Variants in DPP6 observed in about 807,000 individuals in gnomAD.
DPP6 encodes the protein dipeptidyl peptidase like 6, also known as A-type potassium channel modulatory protein DPP6.
In DPP6, 69 loss-of-function variants were observed where a neutral mutation model predicts 122.6. The ratio of observed to expected loss-of-function variants is 0.56; its 90% CI spans 0.46 to 0.69. The LOEUF (loss-of-function observed/expected upper bound fraction) is 0.69. Among genes scored for constraint, DPP6 ranks in the 30% least tolerant of loss-of-function variants. DPP6 has a pLI of 0.00. For missense variants in DPP6, 928 were observed against 1,116.9 expected, an observed-to-expected ratio of 0.83 and a Z score of 2.41; for synonymous variants, 418 against 433.1, an observed-to-expected ratio of 0.97 and a Z score of 0.43.
chr7:154,830,978 C>A (rs1481179325), intron 16 of DPP6, among the ~76,000 whole-genome samples: 1 of 152,172 alleles, frequency 6.6e-6, no homozygotes, highest in Non-Finnish European at 1.5e-5. Flanking sequence ...TAGTTGTGAA[C>A]CTTCTCCAGG....
intron 1 of DPP6, among the ~76,000 whole-genome samples, chr7:153,949,981 A>G (rs1176199063): frequency 2.0e-5 from 3 of 152,160 alleles, no homozygotes; most frequent in Non-Finnish European, 4.4e-5. Flanking sequence ...ACACATCTCT[A>G]ATGTTTTCCT....
intron 1 of DPP6, among the ~76,000 whole-genome samples, chr7:154,285,192 CTAGTT>C (rs1804770842): frequency 6.6e-6 from 1 of 152,134 alleles, no homozygotes; most frequent in Non-Finnish European, 1.5e-5. Flanking sequence ...CTGCTTTTAA[CTAGTT>C]TATTTTAATT....
intron 1 of DPP6, among the ~76,000 whole-genome samples, chr7:154,012,790 T>C (rs1327157912): frequency 6.6e-6 from 1 of 152,238 alleles, no homozygotes; most frequent in Non-Finnish European, 1.5e-5. Flanking sequence ...AGTTTGCTTA[T>C]CTTTTATGTG....
chr7:153,891,184 G>A (rs1301266669), intron 1 of DPP6, among the ~76,000 whole-genome samples: 1 of 150,894 alleles, frequency 6.6e-6, no homozygotes, highest in Non-Finnish European at 1.5e-5. Context: ...ACCATGCCCG[G>A]CTAATTTTTT....
Position 154,566,874 on chromosome 7 carries a change from T to A in DPP6, c.585T>A (p.Ser195=), listed in dbSNP as rs1421112141. 21 of 1,606,726 alleles carry A rather than the reference T, an allele frequency of 1.3e-5. No individual in the cohort carries two copies. The highest frequency in any genetic ancestry group is 1.6e-5 in the Non-Finnish European group (19 of 1,175,234). ...TAAGAGCCATCAGATATGAAATATC[T>A]CCAGATAGAGAGTATGCACTTTTTT... ...ESLRAIRYEI[S]PDREYALFSY... The change falls in exon 5 of 26, where the codon TCT becomes TCA. Residue 195 remains serine (S), a synonymous_variant. Coordinates refer to ENST00000377770, the MANE Select transcript of DPP6 (RefSeq NM_130797.4).
rs146244553 is a variant in DPP6, at chr7:154,235,649, G to T, written c.243+182586G>T. ...TCACCAGTGTGCTTGGATGGATTGC[G>T]ATTTGCCCAGTTTGCTGTTCCAAAA... On this transcript the variant is annotated intron_variant, in intron 1 of 25. Coordinates refer to ENST00000377770, the MANE Select transcript of DPP6 (RefSeq NM_130797.4). Among the ~76,000 whole-genome samples the T allele has an allele frequency of 5.0e-4, 75 of 150,934 alleles. 1 individual carries two copies. In the South Asian group the frequency reaches 0.015, roughly 31 times the overall value.
At position 154,425,597 on chromosome 7, in the gene DPP6, G is replaced by GAAA. The variant is rs3056538; in HGVS notation, c.244-20612_244-20610dup. Among the ~76,000 whole-genome samples, 21 of 105,402 alleles carry GAAA rather than the reference G, an allele frequency of 2.0e-4. 1 individual carries two copies. The highest frequency in any genetic ancestry group is 4.9e-4 in the Admixed American group (4 of 8,208). 69.1% of individuals were successfully genotyped at this position (105,402 alleles called of 152,430 possible). A position where few individuals can be genotyped will look rare whatever the true frequency, so the allele number is the denominator to read the frequency against. On this transcript the variant is annotated intron_variant, in intron 1 of 25. Transcript: ENST00000377770. ...TCTTCTGTTTATAGGTTAGTTTGGG[G>GAAA]AAAAAAATGTGTGTGTGTGTGTGGG...
At chr7:153,868,864 T>C in the DPP6 span, among the ~76,000 whole-genome samples, 1 of 152,230 alleles carries the variant, frequency 6.6e-6, no homozygotes, top group Admixed American at 6.5e-5. Flanking sequence ...TTTGTTCTCG[T>C]TGGTTTCAAA....
chr7:154,727,723 C>T (rs367546464), intron 7 of DPP6, 44 bp from the exon 8 acceptor site: 1 of 1,549,994 alleles, frequency 6.5e-7, no homozygotes, highest in Non-Finnish European at 8.7e-7. Flanking sequence ...TATTTATAAC[C>T]ACTTCCTTGC....
At chr7:153,789,673 G>T in the DPP6 span, among the ~76,000 whole-genome samples, 1 of 152,132 alleles carries the variant, frequency 6.6e-6, no homozygotes, top group East Asian at 1.9e-4. Context: ...AATTAACAGA[G>T]ATATCACACC....
At chr7:154,583,110 C>G (rs1035113539) in intron 5 of DPP6, among the ~76,000 whole-genome samples, 1 of 152,234 alleles carries the variant, frequency 6.6e-6, no homozygotes. Context: ...TCTCACCCAT[C>G]TTACCAGCAG....
At chr7:153,765,016 C>A in the DPP6 span, among the ~76,000 whole-genome samples, 1 of 151,976 alleles carries the variant, frequency 6.6e-6, no homozygotes, top group African/African-American at 2.4e-5. Context: ...TGAGAGGAAA[C>A]CTGTACTTTC....
chr7:154,370,293 A>G (rs944846820), intron 1 of DPP6, among the ~76,000 whole-genome samples: 1 of 147,184 alleles, frequency 6.8e-6, no homozygotes, highest in South Asian at 2.1e-4. Context: ...GGATATATGC[A>G]TTTAATAGGG....
At chr7:154,413,314 T>G (rs1563628035) in intron 1 of DPP6, among the ~76,000 whole-genome samples, 1 of 152,268 alleles carries the variant, frequency 6.6e-6, no homozygotes, top group Non-Finnish European at 1.5e-5. Flanking sequence ...ACTGGGTTTT[T>G]ATGCAGTTAT....
intron 5 of DPP6, among the ~76,000 whole-genome samples, chr7:154,609,385 C>T (rs141852355): frequency 0.015 from 2,345 of 152,326 alleles, 29 homozygotes; most frequent in South Asian, 0.033. Flanking sequence ...ATCTAAGATG[C>T]AAGCTTACAA....
chr7:154,876,194 C>T (rs936835706), intron 20 of DPP6, 94 bp downstream of exon 20: 2 of 1,395,604 alleles, frequency 1.4e-6, no homozygotes, highest in African/African-American at 2.9e-5. Context: ...TGCTTTTTCT[C>T]CACGCACACA....
chr7:154,044,502 A>T (rs1409046007), intron 1 of DPP6, among the ~76,000 whole-genome samples: 1 of 152,172 alleles, frequency 6.6e-6, no homozygotes, highest in Non-Finnish European at 1.5e-5. Flanking sequence ...TCCATATTTA[A>T]GATCTATTGT....
rs941558616 is a variant in DPP6, at chr7:154,282,599, A to C, written c.244-163615A>C. On this transcript the variant is annotated intron_variant, in intron 1 of 25. Transcript: ENST00000377770. This position sits in a 1 kb window ranked among gnomAD's most constrained non-coding sequence, Gnocchi z 4.8. ...AGCCCAGGGCCTCCCTGCCCATGGC[A>C]TTTTCTCAGGAGCTGTCTCCTTTGA... Among the ~76,000 whole-genome samples, 1 of 152,106 alleles carries C rather than the reference A, an allele frequency of 6.6e-6. No homozygotes were observed. Among genetic ancestry groups the C allele is most frequent in the Admixed American group, 6.6e-5 (1 of 15,256 alleles).
At chr7:154,774,232 G>C (rs1563195351) in intron 10 of DPP6, among the ~76,000 whole-genome samples, 1 of 152,126 alleles carries the variant, frequency 6.6e-6, no homozygotes, top group African/African-American at 2.4e-5. Flanking sequence ...GTGTGCGCTG[G>C]TTTGGAGAGT....
Sources: gnomAD v4.1 joint callset for allele counts (sites outside exome capture counted in the v4.1 genomes callset) on GRCh38, gnomAD v4.1.1 for gene constraint, Gnocchi (gnomAD v3.1) non-coding constraint, MANE v1.5 for transcripts, NCBI Gene and HGNC (gene_info 2026-07-23, HGNC 2026-07-21) for gene names.